The following TRHR variants were observed in gnomAD, a reference collection of about 807,000 sequenced individuals.
TRHR encodes the protein thyrotropin-releasing hormone receptor.
In TRHR, 14 loss-of-function variants were observed where a neutral mutation model predicts 28.0. The observed-to-expected ratio is 0.50, with a 90% confidence interval of 0.33 to 0.78. The LOEUF (loss-of-function observed/expected upper bound fraction) is 0.78. Ranked by LOEUF, TRHR falls within the 30% of genes least tolerant of loss-of-function variation. The probability of loss-of-function intolerance (pLI) is 0.02; values close to 1 mark genes in which losing one functional copy is unlikely to be tolerated. For missense variants in TRHR, 438 were observed against 469.5 expected (o/e 0.93, Z 0.62); for synonymous variants, 176 against 171.9 (o/e 1.02, Z -0.18).
At chr8:109,118,923 G>A in intron 2 of TRHR, 125 bp from the exon 3 acceptor site, 1 of 1,180,916 alleles carries the variant, frequency 8.5e-7, no homozygotes, top group Non-Finnish European at 1.2e-6. Context: ...CCCAATAAAT[G>A]ACCTGCACCT....
intron 2 of TRHR, among the ~76,000 whole-genome samples, chr8:109,095,297 G>A (rs1226596736): frequency 6.6e-6 from 1 of 152,038 alleles, no homozygotes; most frequent in East Asian, 1.9e-4. Context: ...AGAGGAGAAA[G>A]AAAATGGGGG....
At chr8:109,104,223 C>A (rs1015535592) in intron 2 of TRHR, among the ~76,000 whole-genome samples, 3 of 152,118 alleles carry the variant, frequency 2.0e-5, no homozygotes, top group African/African-American at 7.2e-5. Flanking sequence ...TGACCAAACA[C>A]AATTCCAAAA....
chr8:109,088,971 T>A (rs1054797252), intron 2 of TRHR, among the ~76,000 whole-genome samples: 6 of 152,142 alleles, frequency 3.9e-5, no homozygotes, highest in Non-Finnish European at 7.4e-5. Context: ...TGATTGAAAT[T>A]TTTTTAAAAA....
At chr8:109,094,257 A>C (rs1413858180) in intron 2 of TRHR, among the ~76,000 whole-genome samples, 1 of 151,194 alleles carries the variant, frequency 6.6e-6, no homozygotes, top group Non-Finnish European at 1.5e-5. Flanking sequence ...TTCATTTTTC[A>C]AAATTTTTTT....
intron 2 of TRHR, among the ~76,000 whole-genome samples, chr8:109,112,306 G>C (rs539183076): frequency 2.6e-5 from 4 of 151,924 alleles, no homozygotes; most frequent in Non-Finnish European, 4.4e-5. Context: ...CAAAAATTTC[G>C]ACTAAAACTT....
chr8:109,091,399 C>T (rs1031736636), intron 2 of TRHR, among the ~76,000 whole-genome samples: 10 of 152,132 alleles, frequency 6.6e-5, no homozygotes, highest in African/African-American at 2.2e-4. Flanking sequence ...CTGCTTTTTT[C>T]TTCTTCCAAA....
At chr8:109,094,033 A>G (rs764912888) in intron 2 of TRHR, among the ~76,000 whole-genome samples, 5 of 152,220 alleles carry the variant, frequency 3.3e-5, no homozygotes, top group Non-Finnish European at 7.4e-5. Flanking sequence ...ATTTGGGACC[A>G]TAAAATCTCA....
At chr8:109,087,387 T>C in intron 1 of TRHR, 38 bp from the exon 2 acceptor site, 1 of 1,019,492 alleles carries the variant, frequency 9.8e-7, no homozygotes, top group Admixed American at 2.0e-5. Flanking sequence ...TCAGAAATTG[T>C]AACACTGTTA....
intron 2 of TRHR, among the ~76,000 whole-genome samples, chr8:109,104,126 C>T (rs1811717041): frequency 6.6e-6 from 1 of 152,076 alleles, no homozygotes; most frequent in Admixed American, 6.6e-5. Flanking sequence ...GCCAGGTAGC[C>T]TGCTATCTTT....
rs373379319 is a variant in TRHR at position 109,119,365 on chromosome 8, T to C, written c.1107T>C (p.Asp369=). The stretch of plus-strand genomic sequence containing the variant: ...ACCATTTCAGCACAGAGCTTGATGA[T>C]ATCACTGTCACTGACACTTACCTGT... The part of the protein sequence containing the change: ...ESDHFSTELD[D]ITVTDTYLSA... The change falls in exon 3 of 3, where the codon GAT becomes GAC. Residue 369 remains aspartate (D), a synonymous_variant. Transcript: ENST00000518632. The C allele has an allele frequency of 2.5e-6, 4 of 1,612,324 alleles. No individual in the cohort carries two copies. The highest frequency in any genetic ancestry group is 2.7e-5 in the African/African-American group (2 of 74,760).
chr8:109,090,015 C>T (rs779910557), intron 2 of TRHR, among the ~76,000 whole-genome samples: 1 of 152,168 alleles, frequency 6.6e-6, no homozygotes, highest in Non-Finnish European at 1.5e-5. Flanking sequence ...AAAGCTGTTA[C>T]CGATAAGCTG....
chr8:109,090,080 C>T (rs1811498281), intron 2 of TRHR, among the ~76,000 whole-genome samples: 1 of 152,176 alleles, frequency 6.6e-6, no homozygotes, highest in African/African-American at 2.4e-5. Flanking sequence ...CTCCAAACAA[C>T]CTTGGGCTTA....
chr8:109,111,817 G>C (rs924760428), intron 2 of TRHR, among the ~76,000 whole-genome samples: 1 of 152,118 alleles, frequency 6.6e-6, no homozygotes, highest in South Asian at 2.1e-4. Flanking sequence ...GCCAAAAAAG[G>C]GTTTTGGCAT....
In TRHR at chr8:109,088,284, G is replaced by C; in HGVS notation, c.772G>C (p.Val258Leu). The C allele has an allele frequency of 6.2e-7, 1 of 1,613,718 alleles. No homozygotes were observed. Among genetic ancestry groups the C allele is most frequent in the South Asian group, 1.1e-5 (1 of 91,030 alleles). The change falls in exon 2 of 3, where the codon GTA becomes CTA. Residue 258 changes from valine to leucine, a missense_variant. Physicochemically the swap from Val to Leu is conservative, Grantham distance 32. Transcript: ENST00000518632. ...NTSNRCFNSTVSSRKQVTKML... is the reference protein window; with the variant it reads ...NTSNRCFNSTLSSRKQVTKML... ...CTCTAATAGATGTTTCAACAGCACA[G>C]TATCTTCAAGGAAGCAGGTAAGCAA...
rs138766397 is a variant in TRHR, at chr8:109,094,959, G to C, written c.789+6658G>C. On this transcript the variant is annotated intron_variant, in intron 2 of 2. Transcript: ENST00000518632. The stretch of plus-strand genomic sequence containing the variant: ...ATGCACACAGATACTCCAAGTTCCA[G>C]ACAGATGAAGTCTGATTGGTAAGTA... Among the ~76,000 whole-genome samples the C allele has an allele frequency of 3.6e-3, 545 of 151,428 alleles. 4 individuals are homozygous for C. The highest frequency in any genetic ancestry group is 0.013 in the African/African-American group (518 of 41,302).
At chr8:109,113,297 AT>A (rs1811867158) in intron 2 of TRHR, among the ~76,000 whole-genome samples, 1 of 152,144 alleles carries the variant, frequency 6.6e-6, no homozygotes, top group South Asian at 2.1e-4. Context: ...AATGGTTGAT[AT>A]GTTATGTTGA....
In TRHR at chr8:109,120,002, G is replaced by A. The variant is rs1230121442; in HGVS notation, c.*547G>A. ...AAGATTTTAGACATACATGTTAACT[G>A]TATTTTAAAAGTTGCCATAATGTTT... On this transcript the variant is annotated 3_prime_UTR_variant, in exon 3 of 3. Transcript: ENST00000518632. Among the ~76,000 whole-genome samples, 1 of 151,750 alleles carries A rather than the reference G, an allele frequency of 6.6e-6. No homozygotes were observed. Among genetic ancestry groups the A allele is most frequent in the African/African-American group, 2.4e-5 (1 of 41,374 alleles).
intron 2 of TRHR, among the ~76,000 whole-genome samples, chr8:109,117,168 G>A (rs192977184): frequency 8.1e-4 from 123 of 152,052 alleles, no homozygotes; most frequent in African/African-American, 2.8e-3. Flanking sequence ...GTGTTTGGGT[G>A]ATCATAATGG....
At chr8:109,094,848 C>T (rs755210490) in intron 2 of TRHR, among the ~76,000 whole-genome samples, 1 of 152,016 alleles carries the variant, frequency 6.6e-6, no homozygotes, top group Non-Finnish European at 1.5e-5. Context: ...AATCTGATCA[C>T]ACAAGAAACA....
Sources: allele counts gnomAD v4.1 joint callset (sites outside exome capture counted in the v4.1 genomes callset), GRCh38; gene constraint gnomAD v4.1.1; transcripts MANE v1.5; gene names NCBI Gene and HGNC (gene_info 2026-07-23, HGNC 2026-07-21).